Variants in AFG2A observed in about 807,000 individuals in gnomAD.
The protein encoded by AFG2A is AAA ATPase AFG2A.
chr4:123,314,606 T>C, the AFG2A span: 1 of 152,234 alleles, frequency 6.6e-6, no homozygotes, highest in Non-Finnish European at 1.5e-5. Flanking sequence ...AAAATTCATA[T>C]ATGCATTTTT....
At chr4:122,950,173 C>T in the AFG2A span, among the ~76,000 whole-genome samples, 1 of 152,138 alleles carries the variant, frequency 6.6e-6, no homozygotes, top group African/African-American at 2.4e-5. Flanking sequence ...AGCAGCGTGT[C>T]CACAGAGCCA....
the AFG2A span, among the ~76,000 whole-genome samples, chr4:123,309,001 C>T: frequency 6.6e-6 from 1 of 152,120 alleles, no homozygotes; most frequent in Non-Finnish European, 1.5e-5. Flanking sequence ...TTTCTGTCCT[C>T]CACCCGCTTC....
At chr4:122,951,107 A>T in the AFG2A span, among the ~76,000 whole-genome samples, 1 of 150,412 alleles carries the variant, frequency 6.6e-6, no homozygotes, top group Non-Finnish European at 1.5e-5. Context: ...GGGGATCCAC[A>T]TGGTAGATCA....
the AFG2A span, among the ~76,000 whole-genome samples, chr4:123,227,763 C>T: frequency 2.0e-5 from 3 of 152,026 alleles, no homozygotes; most frequent in Non-Finnish European, 2.9e-5. Flanking sequence ...TCCTGGGTAT[C>T]CTTGTTAACT....
At chr4:123,200,913 C>T in the AFG2A span, among the ~76,000 whole-genome samples, 1 of 152,306 alleles carries the variant, frequency 6.6e-6, no homozygotes, top group Admixed American at 6.5e-5. Context: ...GTGGCAAATG[C>T]TCTACCTTCA....
the AFG2A span, among the ~76,000 whole-genome samples, chr4:123,146,733 C>T: frequency 6.6e-6 from 1 of 152,210 alleles, no homozygotes; most frequent in South Asian, 2.1e-4. Flanking sequence ...GTCACTTTAA[C>T]CAAGCCTCCA....
the AFG2A span, among the ~76,000 whole-genome samples, chr4:123,189,509 C>T: frequency 6.6e-6 from 1 of 152,004 alleles, no homozygotes; most frequent in Admixed American, 6.6e-5. Context: ...TCCGTTAACC[C>T]TCAATGTACA....
chr4:123,132,576 G>A, the AFG2A span, among the ~76,000 whole-genome samples: 137,278 of 149,044 alleles, frequency 0.92, 63,350 homozygotes, highest in East Asian at 0.98. Flanking sequence ...AAGAATGGAC[G>A]AAGAAAACAT....
chr4:123,244,793 AT>A, the AFG2A span, among the ~76,000 whole-genome samples: 1 of 152,206 alleles, frequency 6.6e-6, no homozygotes, highest in African/African-American at 2.4e-5. Context: ...GCTGTCTTAT[AT>A]ATTTCTTGTC....
chr4:123,219,143 T>C, the AFG2A span, among the ~76,000 whole-genome samples: 2 of 152,222 alleles, frequency 1.3e-5, no homozygotes, highest in Admixed American at 1.3e-4. Flanking sequence ...AGTGCAGTTA[T>C]CAGTCTGTGG....
chr4:122,931,314 T>C, the AFG2A span, among the ~76,000 whole-genome samples: 2 of 152,110 alleles, frequency 1.3e-5, no homozygotes, highest in African/African-American at 4.8e-5. Context: ...TCCCCCTCAT[T>C]GTATTTCTCT....
the AFG2A span, among the ~76,000 whole-genome samples, chr4:123,074,519 C>T: frequency 6.8e-6 from 1 of 147,158 alleles, no homozygotes; most frequent in African/African-American, 2.5e-5. Context: ...TAAGAATCCT[C>T]TGTTCTGTTT....
At chr4:123,022,382 A>G in the AFG2A span, among the ~76,000 whole-genome samples, 1 of 152,200 alleles carries the variant, frequency 6.6e-6, no homozygotes, top group African/African-American at 2.4e-5. Flanking sequence ...AAGGATATGA[A>G]CAGACACTTC....
At chr4:123,042,292 C>G in the AFG2A span, among the ~76,000 whole-genome samples, 1 of 152,044 alleles carries the variant, frequency 6.6e-6, no homozygotes, top group African/African-American at 2.4e-5. Flanking sequence ...TGCTGCTTGG[C>G]TTTCATGTGG....
At chr4:123,073,347 A>T in the AFG2A span, among the ~76,000 whole-genome samples, 2 of 152,074 alleles carry the variant, frequency 1.3e-5, no homozygotes, top group Non-Finnish European at 2.9e-5. Flanking sequence ...GACAAAAATG[A>T]TGTTTTTAAA....
chr4:123,249,266 C>T, the AFG2A span, among the ~76,000 whole-genome samples: 5 of 152,058 alleles, frequency 3.3e-5, no homozygotes, highest in Admixed American at 6.6e-5. Flanking sequence ...GAAATATGTG[C>T]GAAAACAGGG....
the AFG2A span, among the ~76,000 whole-genome samples, chr4:123,047,372 G>GT: frequency 7.0e-6 from 1 of 142,300 alleles, no homozygotes; most frequent in Admixed American, 7.4e-5. Context: ...TTTTCATATA[G>GT]TTATTGGCCA....
the AFG2A span, among the ~76,000 whole-genome samples, chr4:123,071,526 G>A: frequency 6.6e-6 from 1 of 151,616 alleles, no homozygotes; most frequent in Non-Finnish European, 1.5e-5. Flanking sequence ...CTTATTCTGT[G>A]TTTGAATCAA....
chr4:123,167,568 C>G, the AFG2A span, among the ~76,000 whole-genome samples: 16 of 152,156 alleles, frequency 1.1e-4, no homozygotes, highest in South Asian at 8.3e-4. Context: ...AGGATGGTCT[C>G]GCTCTCCTGA....
Sources: allele counts gnomAD v4.1 joint callset (sites outside exome capture counted in the v4.1 genomes callset), GRCh38; gene constraint gnomAD v4.1.1; transcripts MANE v1.5; gene names NCBI Gene and HGNC (gene_info 2026-07-23, HGNC 2026-07-21).